LRRTM3: variants seen among roughly 807,000 people sequenced by gnomAD.
LRRTM3 encodes the protein leucine-rich repeat transmembrane neuronal protein 3.
A neutral mutation model predicts 44.7 loss-of-function variants in LRRTM3; 24 were observed. The ratio of observed to expected loss-of-function variants is 0.54; its 90% CI spans 0.39 to 0.76. The LOEUF (loss-of-function observed/expected upper bound fraction) is 0.76. Among genes scored for constraint, LRRTM3 ranks in the 30% least tolerant of loss-of-function variants. LRRTM3 has a pLI of 0.00. For synonymous variants in LRRTM3, 277 were observed against 278.7 expected (o/e 0.99, Z 0.06); for missense variants, 587 against 702.2 (o/e 0.84, Z 1.85).
At chr10:67,001,779 T>C (rs1851703566) in intron 2 of LRRTM3, among the ~76,000 whole-genome samples, 1 of 152,122 alleles carries the variant, frequency 6.6e-6, no homozygotes, top group South Asian at 2.1e-4. Flanking sequence ...TCAAAGCATG[T>C]AATAAAAAAG....
At chr10:66,944,329 C>T (rs1205285030) in intron 2 of LRRTM3, among the ~76,000 whole-genome samples, 1 of 152,184 alleles carries the variant, frequency 6.6e-6, no homozygotes, top group East Asian at 1.9e-4. Flanking sequence ...AACTCCTCAT[C>T]CATTCAAGTT....
In LRRTM3 at chr10:67,099,128, G is replaced by T. The variant is rs1170023330; in HGVS notation, c.*1332G>T. On this transcript the variant is annotated 3_prime_UTR_variant, in exon 3 of 3. Coordinates refer to ENST00000361320, the MANE Select transcript of LRRTM3 (RefSeq NM_178011.5). ...TGGGATTCACCTCCAAATTATCAAA[G>T]AAATAACTCAGAGTAATTTGACACC... The T allele has an allele frequency of 1.4e-4, 21 of 151,576 alleles. No individual in the cohort carries two copies. The highest frequency in any genetic ancestry group is 1.4e-3 in the Admixed American group (21 of 15,158). 9.4% of individuals were successfully genotyped at this position (151,576 alleles called of 1,614,324 possible).
At chr10:66,955,615 G>A (rs769586945) in intron 2 of LRRTM3, among the ~76,000 whole-genome samples, 6 of 152,084 alleles carry the variant, frequency 3.9e-5, no homozygotes, top group Non-Finnish European at 8.8e-5. Context: ...TTGGATGAAT[G>A]GATATATGGA....
At chr10:66,933,928 A>G (rs1205657239) in intron 2 of LRRTM3, among the ~76,000 whole-genome samples, 1 of 152,158 alleles carries the variant, frequency 6.6e-6, no homozygotes, top group Non-Finnish European at 1.5e-5. Context: ...CCTATGGCAT[A>G]TCTAAAGATC....
intron 2 of LRRTM3, among the ~76,000 whole-genome samples, chr10:66,942,176 G>A (rs1037375445): frequency 6.6e-6 from 1 of 152,076 alleles, no homozygotes; most frequent in Admixed American, 6.5e-5. Flanking sequence ...TTCTCCTGTC[G>A]TTTGCTAGAT....
Position 66,927,164 on chromosome 10 carries a change from G to A in LRRTM3, c.248G>A (p.Gly83Glu), listed in dbSNP as rs761639638. 10 of 1,613,916 alleles carry A rather than the reference G, an allele frequency of 6.2e-6. No individual in the cohort carries two copies. The Admixed American group carries it at 1.5e-4, about 24-fold the overall frequency. The stretch of plus-strand genomic sequence containing the variant: ...AAACTTAAGTATAATCAATTTAAAG[G>A]GCTCAACCAGCTCACCTGGCTATAC... ...LQKLKYNQFK[G>E]LNQLTWLYLD... Residue 83 changes from glycine (G) to glutamate (E), a missense_variant, in exon 2 of 3, where the codon GGG becomes GAG. Transcript: ENST00000361320. The surrounding 1 kb of genome is among the most constrained non-coding windows in gnomAD (Gnocchi z 4.7).
chr10:66,955,204 C>T (rs761034487), intron 2 of LRRTM3, among the ~76,000 whole-genome samples: 1 of 151,922 alleles, frequency 6.6e-6, no homozygotes, highest in Non-Finnish European at 1.5e-5. Flanking sequence ...TTTATTCTGA[C>T]TCAGGTACAA....
intron 2 of LRRTM3, among the ~76,000 whole-genome samples, chr10:67,031,829 G>A (rs1853747746): frequency 6.6e-6 from 1 of 152,124 alleles, no homozygotes; most frequent in African/African-American, 2.4e-5. Context: ...GAATCAAGAA[G>A]GACAGATCAG....
At position 66,996,716 on chromosome 10, in the gene LRRTM3, C is replaced by T. The variant is rs1049995160; in HGVS notation, c.1536+68264C>T. Among the ~76,000 whole-genome samples, 4 of 143,458 alleles carry T rather than the reference C, an allele frequency of 2.8e-5. No homozygotes were observed. In the East Asian group the frequency reaches 9.2e-4, roughly 33 times the overall value. The allele number at this position is 143,458 out of a possible 152,430, so 94.1% of individuals were successfully genotyped here. The stretch of plus-strand genomic sequence containing the variant: ...TTATGTGTTTATTTGAGTTAATTAG[C>T]GCCTATGCAGTTTTCTGCTTGCTCA... On this transcript the variant is annotated intron_variant, in intron 2 of 2. Coordinates refer to ENST00000361320, the MANE Select transcript of LRRTM3 (RefSeq NM_178011.5).
At chr10:66,965,430 G>C (rs1310557953) in intron 2 of LRRTM3, among the ~76,000 whole-genome samples, 3 of 151,836 alleles carry the variant, frequency 2.0e-5, no homozygotes, top group Non-Finnish European at 4.4e-5. Context: ...AGCTACTCAG[G>C]AGGCTGAGGC....
chr10:67,089,911 G>A lies in LRRTM3; in HGVS notation c.1537-7676G>A, dbSNP rs546705954. On this transcript the variant is annotated intron_variant, in intron 2 of 2. Transcript: ENST00000361320. ...TGTTTGTTCTCCATTTCCCAGTCCT[G>A]TACTTCTGCAGCACCTGCCTAGCTA... Among the ~76,000 whole-genome samples the A allele has an allele frequency of 2.3e-4, 35 of 151,886 alleles. 1 individual carries two copies. In the South Asian group the frequency reaches 5.8e-3, roughly 25 times the overall value.
intron 2 of LRRTM3, among the ~76,000 whole-genome samples, chr10:67,044,465 T>A (rs979642264): frequency 6.6e-6 from 1 of 152,150 alleles, no homozygotes; most frequent in Non-Finnish European, 1.5e-5. Flanking sequence ...AAATGGATTG[T>A]CTAAAATTTA....
intron 2 of LRRTM3, among the ~76,000 whole-genome samples, chr10:66,975,637 T>A (rs1307626638): frequency 1.3e-5 from 2 of 152,208 alleles, no homozygotes; most frequent in East Asian, 3.9e-4. Context: ...GGTTTGTGTA[T>A]AACTTTTCAG....
At chr10:67,067,305 A>C (rs75770943) in intron 2 of LRRTM3, among the ~76,000 whole-genome samples, 8,383 of 152,104 alleles carry the variant, frequency 0.055, 338 homozygotes, top group South Asian at 0.19. Context: ...AACCACTTTA[A>C]TACTGCATGT....
At chr10:66,977,414 G>A (rs377641863) in intron 2 of LRRTM3, among the ~76,000 whole-genome samples, 34 of 140,836 alleles carry the variant, frequency 2.4e-4, no homozygotes, top group Middle Eastern at 7.1e-3. Context: ...CCAGCCTGGC[G>A]ATAGAGTGAA....
chr10:67,070,678 C>T (rs915241697), intron 2 of LRRTM3, among the ~76,000 whole-genome samples: 18 of 151,576 alleles, frequency 1.2e-4, no homozygotes, highest in Middle Eastern at 3.4e-3. Context: ...ACCCGGGAGG[C>T]GGAGGTTGCA....
chr10:67,012,775 T>C lies in LRRTM3; in HGVS notation c.1536+84323T>C, dbSNP rs149935059. Among the ~76,000 whole-genome samples, 348 of 152,274 alleles carry C rather than the reference T, an allele frequency of 2.3e-3. 4 individuals carry two copies. In the East Asian group the frequency reaches 0.024, roughly 10 times the overall value. On this transcript the variant is annotated intron_variant, in intron 2 of 2. Coordinates refer to ENST00000361320, the MANE Select transcript of LRRTM3 (RefSeq NM_178011.5). ...TTCTGTAAAATGATCAAGATTTTTGTTGGAATTCACGAGTGTTTGTTAAAG... is the reference window on the plus strand; with the variant it reads ...TTCTGTAAAATGATCAAGATTTTTGCTGGAATTCACGAGTGTTTGTTAAAG...
chr10:67,057,732 C>T (rs1040194796), intron 2 of LRRTM3, among the ~76,000 whole-genome samples: 12 of 152,054 alleles, frequency 7.9e-5, no homozygotes, highest in African/African-American at 2.9e-4. Context: ...CCACCACCAC[C>T]ACGATGAGCT....
intron 2 of LRRTM3, among the ~76,000 whole-genome samples, chr10:67,009,813 C>T (rs1277277867): frequency 3.3e-5 from 5 of 152,274 alleles, no homozygotes; most frequent in African/African-American, 9.6e-5. Context: ...TCACACCTCT[C>T]CATCTGGAGT....
Sources: gnomAD v4.1 joint callset for allele counts (sites outside exome capture counted in the v4.1 genomes callset) on GRCh38, gnomAD v4.1.1 for gene constraint, Gnocchi (gnomAD v3.1) non-coding constraint, MANE v1.5 for transcripts, NCBI Gene and HGNC (gene_info 2026-07-23, HGNC 2026-07-21) for gene names.